PDE4B: variants seen among roughly 807,000 people sequenced by gnomAD.
The protein encoded by PDE4B is phosphodiesterase 4B, also known as 3',5'-cyclic-AMP phosphodiesterase 4B.
PDE4B carries 20 observed loss-of-function variants against 82.2 expected under a neutral mutation model. That is an observed-to-expected ratio of 0.24 (90% CI 0.17 to 0.35). The LOEUF is 0.35. PDE4B is among the 10% of genes least tolerant of loss of function. The probability of loss-of-function intolerance (pLI) is 1.00; values close to 1 mark genes in which losing one functional copy is unlikely to be tolerated. For synonymous variants in PDE4B, 320 were observed against 318.9 expected, an observed-to-expected ratio of 1.00 and a Z score of -0.04; for missense variants, 655 against 907.2, an observed-to-expected ratio of 0.72 and a Z score of 3.57.
intron 8 of PDE4B, among the ~76,000 whole-genome samples, chr1:66,340,390 T>A (rs962876400): frequency 6.6e-6 from 1 of 152,246 alleles, no homozygotes; most frequent in Admixed American, 6.5e-5. Flanking sequence ...TTTTTTCTTC[T>A]TATGGAATAG....
At chr1:66,296,859 C>T (rs1299347745) in intron 7 of PDE4B, among the ~76,000 whole-genome samples, 2 of 152,082 alleles carry the variant, frequency 1.3e-5, no homozygotes, top group African/African-American at 4.8e-5. Context: ...ATTCTGTATC[C>T]CTTCTTTAGT....
chr1:65,823,350 C>T lies in PDE4B; in HGVS notation c.-71+30102C>T, dbSNP rs539523179. Among the ~76,000 whole-genome samples, 35 of 144,230 alleles carry T rather than the reference C, an allele frequency of 2.4e-4. 1 individual carries two copies. The highest frequency in any genetic ancestry group is 4.1e-4 in the East Asian group (2 of 4,872). 94.6% of individuals were successfully genotyped at this position (144,230 alleles called of 152,430 possible). On this transcript the variant is annotated intron_variant, in intron 1 of 16. Coordinates refer to ENST00000341517, the MANE Select transcript of PDE4B (RefSeq NM_002600.4). ...GGCAGAAGTTGCAGTGAGCCAAGAT[C>T]GCACCATTGTACTACAGCCTGGCCG...
intron 3 of PDE4B, among the ~76,000 whole-genome samples, chr1:66,010,652 T>C (rs1316959557): frequency 1.3e-5 from 2 of 151,214 alleles, no homozygotes; most frequent in Non-Finnish European, 3.0e-5. Context: ...TCTGCAATTT[T>C]TCAATGACTT....
chr1:66,272,119 A>G (rs1325087521), intron 7 of PDE4B, among the ~76,000 whole-genome samples: 1 of 152,122 alleles, frequency 6.6e-6, no homozygotes, highest in Non-Finnish European at 1.5e-5. Flanking sequence ...TGTCCTCCCA[A>G]ACCCTAGCTG....
chr1:65,948,639 A>G (rs1648835422), intron 3 of PDE4B, among the ~76,000 whole-genome samples: 1 of 152,016 alleles, frequency 6.6e-6, no homozygotes, highest in Non-Finnish European at 1.5e-5. Flanking sequence ...ACCCTCACAG[A>G]CACACCCAGG....
intron 3 of PDE4B, among the ~76,000 whole-genome samples, chr1:65,978,098 G>T (rs950569876): frequency 6.8e-6 from 1 of 147,214 alleles, no homozygotes. Context: ...TGCGGTCTCA[G>T]CTCACTGCAA....
intron 3 of PDE4B, among the ~76,000 whole-genome samples, chr1:66,169,892 A>AT (rs1327443556): frequency 6.6e-6 from 1 of 152,138 alleles, no homozygotes; most frequent in African/African-American, 2.4e-5. Context: ...CTACAGATTG[A>AT]TTTTCTCACT....
At chr1:65,829,263 A>G (rs915524394) in intron 1 of PDE4B, among the ~76,000 whole-genome samples, 2 of 152,186 alleles carry the variant, frequency 1.3e-5, no homozygotes, top group African/African-American at 4.8e-5. Flanking sequence ...ATCCAAGAAG[A>G]TATAATCCTG....
intron 3 of PDE4B, among the ~76,000 whole-genome samples, chr1:66,182,088 A>G (rs1324325567): frequency 3.3e-5 from 5 of 152,158 alleles, no homozygotes; most frequent in African/African-American, 1.2e-4. Context: ...CCTAGCAAGC[A>G]AAAAAGCAGT....
At chr1:66,178,943 C>A (rs773491793) in intron 3 of PDE4B, among the ~76,000 whole-genome samples, 1 of 152,060 alleles carries the variant, frequency 6.6e-6, no homozygotes, top group Non-Finnish European at 1.5e-5. Context: ...CCTCCACCTC[C>A]GGGTTCAAGC....
chr1:65,851,912 T>C (rs1646337087), intron 1 of PDE4B, among the ~76,000 whole-genome samples: 1 of 152,014 alleles, frequency 6.6e-6, no homozygotes, highest in South Asian at 2.1e-4. Flanking sequence ...ATGCTTCTTC[T>C]ATTGATAGTT....
At chr1:65,802,405 C>A (rs143802147) in intron 1 of PDE4B, among the ~76,000 whole-genome samples, 47 of 152,264 alleles carry the variant, frequency 3.1e-4, no homozygotes, top group Admixed American at 6.5e-4. Flanking sequence ...CAGCTGAGTC[C>A]GTCCTTTTTA....
In PDE4B at chr1:66,254,382, A is replaced by T. The variant is rs567469591; in HGVS notation, c.477-3265A>T. ...AGTTCACCACACTCCATTTATCACA[A>T]CTGCTCCTGTCTTGATTATTTTTTC... On this transcript the variant is annotated intron_variant, in intron 4 of 16. Transcript: ENST00000341517. Among the ~76,000 whole-genome samples, 38 of 152,244 alleles carry T rather than the reference A, an allele frequency of 2.5e-4. No individual in the cohort carries two copies. In the South Asian group the frequency reaches 7.3e-3, roughly 29 times the overall value.
chr1:65,839,634 G>T (rs1431776425), intron 1 of PDE4B, among the ~76,000 whole-genome samples: 1 of 152,114 alleles, frequency 6.6e-6, no homozygotes, highest in Non-Finnish European at 1.5e-5. Context: ...ATTATATGAT[G>T]TGTCTATGTG....
intron 1 of PDE4B, among the ~76,000 whole-genome samples, chr1:65,869,470 G>A (rs1252247834): frequency 1.3e-5 from 2 of 152,198 alleles, no homozygotes; most frequent in Non-Finnish European, 2.9e-5. Context: ...GTATGTATCA[G>A]TGTGTGTGTA....
At chr1:65,954,283 TC>T (rs918048451) in intron 3 of PDE4B, among the ~76,000 whole-genome samples, 1 of 152,130 alleles carries the variant, frequency 6.6e-6, no homozygotes, top group Admixed American at 6.6e-5. Flanking sequence ...AGAACTTGTT[TC>T]TTATACACAG....
chr1:66,270,722 T>C (rs1655414786), intron 7 of PDE4B, among the ~76,000 whole-genome samples: 1 of 152,040 alleles, frequency 6.6e-6, no homozygotes, highest in Admixed American at 6.5e-5. Flanking sequence ...AAAATCAATC[T>C]TGTGACCAAA....
chr1:66,064,484 G>A (rs1020412430), intron 3 of PDE4B, among the ~76,000 whole-genome samples: 1 of 151,960 alleles, frequency 6.6e-6, no homozygotes, highest in African/African-American at 2.4e-5. Context: ...CAGAGATAGA[G>A]AGGGATACAG....
At chr1:66,167,262 A>T (rs1194562565) in intron 3 of PDE4B, among the ~76,000 whole-genome samples, 5 of 152,264 alleles carry the variant, frequency 3.3e-5, no homozygotes. Flanking sequence ...TATTCATAAA[A>T]GTATTATTCA....
Sources: allele counts gnomAD v4.1 joint callset (sites outside exome capture counted in the v4.1 genomes callset), GRCh38; gene constraint gnomAD v4.1.1; transcripts MANE v1.5; gene names NCBI Gene and HGNC (gene_info 2026-07-23, HGNC 2026-07-21).